The following NR1H4 variants were observed in gnomAD, a reference collection of about 807,000 sequenced individuals.
NR1H4 encodes the protein bile acid receptor.
In NR1H4, 23 loss-of-function variants were observed where a neutral mutation model predicts 58.5. The ratio of observed to expected loss-of-function variants is 0.39; its 90% CI spans 0.28 to 0.56. NR1H4 has a LOEUF of 0.56. Among genes scored for constraint, NR1H4 ranks in the 20% least tolerant of loss-of-function variants. The probability of loss-of-function intolerance (pLI) is 0.58; values close to 1 mark genes in which losing one functional copy is unlikely to be tolerated. For synonymous variants in NR1H4, 214 were observed against 198.0 expected (o/e 1.08, Z -0.68); for missense variants, 487 against 576.9 (o/e 0.84, Z 1.60).
At chr12:100,499,964 C>A (rs894514421) in intron 3 of NR1H4, 3 of 455,812 alleles carry the variant, frequency 6.6e-6, no homozygotes, top group Non-Finnish European at 1.3e-5. Flanking sequence ...AAGAAGAATG[C>A]CTGGCACATC....
In NR1H4 at chr12:100,534,913, A is replaced by G; in HGVS notation, c.622A>G (p.Lys208Glu). 3 of 1,614,234 alleles carry G rather than the reference A, an allele frequency of 1.9e-6. No homozygotes were observed. Among genetic ancestry groups the G allele is most frequent in the Admixed American group, 1.7e-5 (1 of 60,030 alleles). The change falls in exon 6 of 11, where the codon AAA (lysine) becomes GAA (glutamate). Residue 208 changes from lysine (K) to glutamate (E), a missense_variant. Lys to Glu is a moderately conservative substitution (Grantham distance 56). Coordinates refer to ENST00000392986, the MANE Select transcript of NR1H4 (RefSeq NM_001206979.2). ...AGGCTTGTTAACTGAAATTCAGTGT[A>G]AATCTAAGCGACTGAGAAAAAATGT... ...YTGLLTEIQCKSKRLRKNVKQ... is the reference protein window; with the variant it reads ...YTGLLTEIQCESKRLRKNVKQ...
intron 3 of NR1H4, among the ~76,000 whole-genome samples, chr12:100,506,144 A>G (rs1314431130): frequency 2.0e-5 from 3 of 152,246 alleles, no homozygotes; most frequent in African/African-American, 7.2e-5. Context: ...GTTAATAATT[A>G]CTTATTAACT....
intron 9 of NR1H4, among the ~76,000 whole-genome samples, chr12:100,558,638 C>T (rs547755596): frequency 4.6e-5 from 7 of 152,290 alleles, no homozygotes; most frequent in African/African-American, 1.7e-4. Flanking sequence ...GGATTATAGG[C>T]GTAAGCCACT....
At chr12:100,520,633 T>C (rs928733145) in intron 4 of NR1H4, among the ~76,000 whole-genome samples, 1 of 152,160 alleles carries the variant, frequency 6.6e-6, no homozygotes, top group Non-Finnish European at 1.5e-5. Flanking sequence ...ATGAATACCC[T>C]GTCCCCTGCC....
intron 9 of NR1H4, among the ~76,000 whole-genome samples, chr12:100,542,083 C>A (rs919342264): frequency 6.6e-6 from 1 of 152,076 alleles, no homozygotes; most frequent in Non-Finnish European, 1.5e-5. Flanking sequence ...CAGTGGCTCA[C>A]GCCTATAATC....
At chr12:100,544,598 C>T (rs1200403950) in intron 9 of NR1H4, among the ~76,000 whole-genome samples, 1 of 152,080 alleles carries the variant, frequency 6.6e-6, no homozygotes, top group Non-Finnish European at 1.5e-5. Flanking sequence ...CTTGATAAGA[C>T]AGGGTTTTCT....
chr12:100,536,462 A>G, intron 6 of NR1H4, 50 bp from the exon 7 acceptor site: 1 of 1,066,664 alleles, frequency 9.4e-7, no homozygotes, highest in East Asian at 2.4e-5. Flanking sequence ...TATAGAAAGA[A>G]GGCTTTATAC....
At chr12:100,549,214 G>A (rs373687505) in intron 9 of NR1H4, among the ~76,000 whole-genome samples, 6 of 152,126 alleles carry the variant, frequency 3.9e-5, no homozygotes, top group Admixed American at 6.6e-5. Context: ...GGCATGTGCC[G>A]GTAGTCCCAG....
At chr12:100,489,852 C>A (rs921446835) in intron 1 of NR1H4, among the ~76,000 whole-genome samples, 5 of 151,930 alleles carry the variant, frequency 3.3e-5, no homozygotes, top group Non-Finnish European at 5.9e-5. Context: ...TTTTTTAAAG[C>A]CCATTCGGGA....
chr12:100,545,168 G>T (rs758982040), intron 9 of NR1H4, among the ~76,000 whole-genome samples: 8 of 152,028 alleles, frequency 5.3e-5, no homozygotes, highest in Non-Finnish European at 8.8e-5. Flanking sequence ...GATCTCCTGG[G>T]TCCTGAGCCA....
At chr12:100,511,216 T>C (rs910247600) in intron 4 of NR1H4, 73 bp downstream of exon 4, 33 of 1,598,032 alleles carry the variant, frequency 2.1e-5, no homozygotes, top group Non-Finnish European at 2.8e-5. Context: ...TTGAACTAAT[T>C]GCTTCCCTTT....
At chr12:100,494,832 AT>A (rs1174687578) in intron 3 of NR1H4, among the ~76,000 whole-genome samples, 1 of 152,120 alleles carries the variant, frequency 6.6e-6, no homozygotes, top group Admixed American at 6.5e-5. Context: ...TGCACTCAAG[AT>A]TTTTTTTCAA....
intron 9 of NR1H4, among the ~76,000 whole-genome samples, chr12:100,541,457 T>G (rs552208322): frequency 6.6e-6 from 1 of 151,810 alleles, no homozygotes; most frequent in Non-Finnish European, 1.5e-5. Context: ...AATTTTGGTA[T>G]TTTTAGTAGA....
intron 1 of NR1H4, among the ~76,000 whole-genome samples, chr12:100,476,925 C>T (rs1382155919): frequency 6.6e-6 from 1 of 152,034 alleles, no homozygotes; most frequent in Non-Finnish European, 1.5e-5. Flanking sequence ...GAACAATTTT[C>T]CTCCCAGGTA....
At chr12:100,518,084 TC>T (rs1361975712) in intron 4 of NR1H4, among the ~76,000 whole-genome samples, 1 of 152,204 alleles carries the variant, frequency 6.6e-6, no homozygotes, top group Admixed American at 6.5e-5. Flanking sequence ...ATCCCTAAAG[TC>T]ACTAACCTTG....
chr12:100,514,726 A>G (rs1405332517), intron 4 of NR1H4, among the ~76,000 whole-genome samples: 6 of 152,182 alleles, frequency 3.9e-5, no homozygotes, highest in Non-Finnish European at 8.8e-5. Context: ...AAGCTATAAT[A>G]TTTCTTGGGT....
At chr12:100,558,468 C>T (rs1204613440) in intron 9 of NR1H4, among the ~76,000 whole-genome samples, 1 of 152,138 alleles carries the variant, frequency 6.6e-6, no homozygotes, top group Non-Finnish European at 1.5e-5. Flanking sequence ...AGCGATCCTC[C>T]CACCTCAGCC....
chr12:100,521,726 G>A (rs1010653243), intron 4 of NR1H4, among the ~76,000 whole-genome samples: 7 of 152,216 alleles, frequency 4.6e-5, no homozygotes, highest in African/African-American at 1.7e-4. Flanking sequence ...TAGAATAGAT[G>A]TAGTGTTTCC....
At chr12:100,528,014 T>C (rs1292374245) in intron 4 of NR1H4, among the ~76,000 whole-genome samples, 1 of 151,962 alleles carries the variant, frequency 6.6e-6, no homozygotes, top group Non-Finnish European at 1.5e-5. Flanking sequence ...CTAGAAGCTG[T>C]CTCTATTTAG....
Sources: allele counts gnomAD v4.1 joint callset (sites outside exome capture counted in the v4.1 genomes callset), GRCh38; gene constraint gnomAD v4.1.1; transcripts MANE v1.5; gene names NCBI Gene and HGNC (gene_info 2026-07-23, HGNC 2026-07-21).